The following COQ2 variants were observed in gnomAD, a reference collection of about 807,000 sequenced individuals.
COQ2 encodes the protein 4-hydroxybenzoate polyprenyltransferase, mitochondrial.
COQ2 carries 25 observed loss-of-function variants against 35.7 expected under a neutral mutation model. The observed-to-expected ratio is 0.70, with a 90% CI of 0.51 to 0.98. The LOEUF (loss-of-function observed/expected upper bound fraction) is 0.98, where lower values mean the gene tolerates loss of function less well. COQ2 is among the 50% of genes least tolerant of loss of function. The pLI is 0.00. For synonymous variants in COQ2, 206 were observed against 186.2 expected (o/e 1.11, Z -0.86); for missense variants, 488 against 473.5 (o/e 1.03, Z -0.28).
intron 3 of COQ2, among the ~76,000 whole-genome samples, chr4:83,272,506 T>C (rs993227188): frequency 2.0e-5 from 3 of 152,220 alleles, no homozygotes; most frequent in African/African-American, 7.2e-5. Context: ...TAAAGTTTTA[T>C]TCTCTTCCTT....
At chr4:83,271,155 C>G (rs1735038478) in intron 4 of COQ2, among the ~76,000 whole-genome samples, 1 of 152,150 alleles carries the variant, frequency 6.6e-6, no homozygotes, top group Non-Finnish European at 1.5e-5. Flanking sequence ...ACCTGCTTAC[C>G]TAACTATGTT....
chr4:83,282,248 G>A (rs1577992364), intron 1 of COQ2, among the ~76,000 whole-genome samples: 2 of 152,016 alleles, frequency 1.3e-5, no homozygotes, highest in East Asian at 3.9e-4. Flanking sequence ...GACACTTTCT[G>A]GAATAAGGTA....
chr4:83,272,292 T>C (rs1387145122), intron 3 of COQ2, 120 bp from the exon 4 acceptor site: 1 of 542,200 alleles, frequency 1.8e-6, no homozygotes, highest in South Asian at 2.7e-5. Context: ...TTAAATTATA[T>C]TTTATGTAAG....
intron 2 of COQ2, among the ~76,000 whole-genome samples, chr4:83,274,484 G>A (rs892218845): frequency 5.3e-5 from 8 of 152,244 alleles, no homozygotes; most frequent in South Asian, 2.1e-4. Flanking sequence ...CGTGAGCCAC[G>A]GTGCCCAGCC....
intron 2 of COQ2, among the ~76,000 whole-genome samples, chr4:83,276,031 TATAATATATAAAATATATATTA>T: frequency 9.9e-5 from 2 of 20,208 alleles, no homozygotes; most frequent in Admixed American, 8.1e-4. Context: ...TATATTTTTA[TATAATATATAAAATATATATTA>T]TATATAATAT....
At chr4:83,266,043 T>C (rs558916094) in intron 6 of COQ2, among the ~76,000 whole-genome samples, 65 of 152,318 alleles carry the variant, frequency 4.3e-4, no homozygotes, top group Non-Finnish European at 7.3e-4. Context: ...TGTTTAAATA[T>C]TAACATATAC....
chr4:83,283,763 T>G, intron 1 of COQ2: 1 of 985,424 alleles, frequency 1.0e-6, no homozygotes. Flanking sequence ...AGCCAATCAA[T>G]CAACAAGCGC....
chr4:83,270,486 T>A (rs1213633063), intron 4 of COQ2, among the ~76,000 whole-genome samples: 2 of 152,178 alleles, frequency 1.3e-5, no homozygotes, highest in Non-Finnish European at 2.9e-5. Flanking sequence ...ACCTACATGT[T>A]GACAGCTCTC....
intron 2 of COQ2, among the ~76,000 whole-genome samples, chr4:83,275,959 T>C (rs1341477670): frequency 1.4e-5 from 2 of 144,504 alleles, no homozygotes; most frequent in African/African-American, 5.4e-5. Context: ...TATCTTGAAG[T>C]GATACATGCC....
intron 6 of COQ2, chr4:83,266,845 T>A (rs1237244558): frequency 4.5e-6 from 1 of 220,056 alleles, no homozygotes; most frequent in African/African-American, 2.4e-5. Context: ...TCATGTCTTA[T>A]CTGTCCTTGG....
intron 1 of COQ2, among the ~76,000 whole-genome samples, chr4:83,279,703 G>A (rs554473873): frequency 6.6e-6 from 1 of 152,010 alleles, no homozygotes; most frequent in South Asian, 2.1e-4. Context: ...TCTGAGTAGG[G>A]GAACTGCATG....
At chr4:83,277,104 C>T (rs937141093) in intron 2 of COQ2, among the ~76,000 whole-genome samples, 2 of 152,048 alleles carry the variant, frequency 1.3e-5, no homozygotes, top group African/African-American at 2.4e-5. Context: ...CATATGGGTA[C>T]ACTAAAAGCC....
chr4:83,271,259 A>T (rs547092596), intron 4 of COQ2, among the ~76,000 whole-genome samples: 132 of 152,340 alleles, frequency 8.7e-4, no homozygotes, highest in African/African-American at 3.0e-3. Context: ...TGGAGACCAT[A>T]GGAGGCTCTC....
At chr4:83,284,470 G>C (rs754362027) in intron 1 of COQ2, 42 bp downstream of exon 1, 1 of 1,524,026 alleles carries the variant, frequency 6.6e-7, no homozygotes, top group South Asian at 1.2e-5. Flanking sequence ...CTCGGAGGCT[G>C]CTACTTGCAA....
Position 83,284,755 on chromosome 4 carries a change from A to G in COQ2, c.10T>C (p.Ser4Pro). 1.3e-6 allele frequency: 2 copies of G among 1,538,698 alleles called. No individual in the cohort carries two copies. Among genetic ancestry groups the G allele is most frequent in the Non-Finnish European group, 1.7e-6 (2 of 1,149,722 alleles). MLG[S>P]RAAGFARGLR... is the part of the protein sequence containing the mutation. The stretch of plus-strand genomic sequence containing the variant: ...CCCCGCGCGAACCCCGCGGCTCGCG[A>G]GCCCAGCATGGCGCTGGTGAGGCCG... Residue 4 changes from serine to proline, a missense_variant, in exon 1 of 7, where the codon TCG becomes CCG. Coordinates refer to ENST00000647002, the MANE Select transcript of COQ2 (RefSeq NM_001358921.2).
At chr4:83,271,286 A>G (rs1735041997) in intron 4 of COQ2, among the ~76,000 whole-genome samples, 1 of 152,208 alleles carries the variant, frequency 6.6e-6, no homozygotes, top group African/African-American at 2.4e-5. Flanking sequence ...TTCTTGGTTG[A>G]ATTAATGCTG....
At chr4:83,267,440 G>A (rs938720018) in intron 6 of COQ2, 146 bp downstream of exon 6, 3 of 657,468 alleles carry the variant, frequency 4.6e-6, no homozygotes, top group East Asian at 3.0e-5. Flanking sequence ...TGAGGCCGGA[G>A]GGCAGGGGGG....
upstream of COQ2, chr4:83,285,005 T>C: frequency 1.1e-6 from 1 of 887,878 alleles, no homozygotes; most frequent in Non-Finnish European, 1.7e-6. Flanking sequence ...TAGTTGTAAT[T>C]TTTTACAACT....
In COQ2 at chr4:83,267,656, C is replaced by T; in HGVS notation, c.881G>A (p.Gly294Asp). The stretch of plus-strand genomic sequence containing the variant: ...GGGAGCAGTCTGTCCACTGTTCACA[C>T]CCACTAGGCTCAGTGCCCCCAGCAT... ...VAMLGALSLV[G>D]VNSGQTAPYY... The change falls in exon 6 of 7, where the codon GGT (glycine) becomes GAT (aspartate). Residue 294 changes from glycine to aspartate, a missense_variant. Gly to Asp is a moderately conservative substitution (Grantham distance 94). Coordinates refer to ENST00000647002, the MANE Select transcript of COQ2 (RefSeq NM_001358921.2). 2 of 1,577,206 alleles carry T rather than the reference C, an allele frequency of 1.3e-6. No homozygotes were observed. Among genetic ancestry groups the T allele is most frequent in the South Asian group, 1.2e-5 (1 of 85,772 alleles).
Sources: allele counts gnomAD v4.1 joint callset (sites outside exome capture counted in the v4.1 genomes callset), GRCh38; gene constraint gnomAD v4.1.1; transcripts MANE v1.5; gene names NCBI Gene and HGNC (gene_info 2026-07-23, HGNC 2026-07-21).